Variants in RIN2 observed in about 807,000 individuals in gnomAD.
The protein encoded by RIN2 is RAB5 interacting protein 2.
In RIN2, 36 loss-of-function variants were observed where a neutral mutation model predicts 78.0. The ratio of observed to expected loss-of-function variants is 0.46; its 90% CI spans 0.35 to 0.61. RIN2 has a LOEUF of 0.61. RIN2 is among the 20% of genes least tolerant of loss of function. The pLI, the probability that RIN2 is intolerant of heterozygous loss-of-function variation, is 0.00. For missense variants in RIN2, 1,087 were observed against 1,159.7 expected, an observed-to-expected ratio of 0.94 and a Z score of 0.91; for synonymous variants, 466 against 466.8, an observed-to-expected ratio of 1.00 and a Z score of 0.02.
chr20:19,860,693 A>G (rs989035266), intron 2 of RIN2, among the ~76,000 whole-genome samples: 5 of 151,880 alleles, frequency 3.3e-5, no homozygotes, highest in Non-Finnish European at 7.4e-5. Flanking sequence ...TTTCTCTCAC[A>G]CTCACTCCCC....
intron 1 of RIN2, among the ~76,000 whole-genome samples, chr20:19,761,471 A>C (rs1383221400): frequency 6.6e-6 from 1 of 151,998 alleles, no homozygotes; most frequent in African/African-American, 2.4e-5. Flanking sequence ...TTAGAATGAC[A>C]CCATAGTATG....
rs2042225921 is a variant in RIN2, at chr20:19,974,962, C to T, written c.937C>T (p.Pro313Ser). ...TCGGTCCCCCCCACCCAGGCCCCCG[C>T]CACCCGCTATTAATAGTCTCCACAC... The part of the protein sequence containing the change: ...RTRSPPPRPP[P>S]PAINSLHTSP... The change falls in exon 9 of 13, where the codon CCA becomes TCA. Residue 313 changes from proline (P) to serine (S), a missense_variant. By Grantham distance (74) the Pro-to-Ser change is moderately conservative. This residue lies in a region of RIN2 where 706 missense variants were observed against 667.5 expected (regional missense o/e 1.06). Transcript: ENST00000255006. The T allele has an allele frequency of 6.2e-7, 1 of 1,612,628 alleles. No individual in the cohort carries two copies. The highest frequency in any genetic ancestry group is 1.3e-5 in the African/African-American group (1 of 74,822).
At chr20:19,971,726 G>GA (rs570385211) in intron 8 of RIN2, among the ~76,000 whole-genome samples, 89 of 143,278 alleles carry the variant, frequency 6.2e-4, no homozygotes, top group African/African-American at 2.3e-3. Context: ...CCCTTCTGCT[G>GA]AAACTGCAAT....
chr20:19,881,302 C>T (rs956367912), intron 2 of RIN2, among the ~76,000 whole-genome samples: 5 of 152,122 alleles, frequency 3.3e-5, no homozygotes, highest in Admixed American at 2.0e-4. Context: ...TGCTAAAACC[C>T]GGGGCTTTTA....
At chr20:19,866,201 A>G (rs1339855519) in intron 2 of RIN2, among the ~76,000 whole-genome samples, 1 of 151,850 alleles carries the variant, frequency 6.6e-6, no homozygotes, top group African/African-American at 2.4e-5. Flanking sequence ...GCAGTTCACA[A>G]TAGGGTTTGT....
chr20:19,920,082 C>CAG (rs2123789067), intron 3 of RIN2, among the ~76,000 whole-genome samples: 1 of 152,124 alleles, frequency 6.6e-6, no homozygotes, highest in Non-Finnish European at 1.5e-5. Context: ...ATCACAAGGT[C>CAG]AGAAGATCAA....
intron 2 of RIN2, among the ~76,000 whole-genome samples, chr20:19,858,907 C>T (rs1328411871): frequency 1.3e-5 from 2 of 152,092 alleles, no homozygotes; most frequent in Non-Finnish European, 2.9e-5. Context: ...GCAGGGGGCT[C>T]GGGACATGCA....
At position 20,001,032 on chromosome 20, in the gene RIN2, C is replaced by T; in HGVS notation, c.*96C>T. 8.3e-7 allele frequency: 1 copy of T among 1,207,742 alleles called. No homozygotes were observed. The highest frequency in any genetic ancestry group is 1.1e-6 in the Non-Finnish European group (1 of 873,438). The allele number at this position is 1,207,742 out of a possible 1,614,324, so 74.8% of individuals were successfully genotyped here. A position where few individuals can be genotyped will look rare whatever the true frequency, so the allele number is the denominator to read the frequency against. ...CTTGAGCTTGAAAAGCAGTCACCTC[C>T]TCGGGGACCCCTCAGTGTAGTGACT... On this transcript the variant is annotated 3_prime_UTR_variant, in exon 13 of 13. Transcript: ENST00000255006.
chr20:19,844,599 T>G lies in RIN2; in HGVS notation c.-37+44852T>G, dbSNP rs541209842. ...AGCTGCTGCTGCTGCTGCTGCTTCT[T>G]CCTCTTCTTCTTCTTCTTCTTCTTC... On this transcript the variant is annotated intron_variant, in intron 2 of 12. Coordinates refer to ENST00000255006, the MANE Select transcript of RIN2 (RefSeq NM_018993.4). 4.7e-3 allele frequency among the ~76,000 whole-genome samples: 304 copies of G among 64,184 alleles called. 6 individuals carry two copies. Among genetic ancestry groups the G allele is most frequent in the African/African-American group, 0.015 (287 of 19,014 alleles). The allele number at this position is 64,184 out of a possible 152,430, so 42.1% of individuals were successfully genotyped here. A position where few individuals can be genotyped will look rare whatever the true frequency, so the allele number is the denominator to read the frequency against.
intron 8 of RIN2, among the ~76,000 whole-genome samples, chr20:19,972,471 A>T (rs2042138740): frequency 6.6e-6 from 1 of 152,186 alleles, no homozygotes; most frequent in Non-Finnish European, 1.5e-5. Context: ...CTGAGGGCTA[A>T]TTAACATATA....
chr20:19,878,672 A>G (rs2037930640), intron 2 of RIN2, among the ~76,000 whole-genome samples: 1 of 152,142 alleles, frequency 6.6e-6, no homozygotes, highest in African/African-American at 2.4e-5. Flanking sequence ...TGAAAATGCC[A>G]GTGTCCACCC....
At chr20:19,962,321 A>G (rs1344599823) in intron 6 of RIN2, among the ~76,000 whole-genome samples, 1 of 151,942 alleles carries the variant, frequency 6.6e-6, no homozygotes, top group African/African-American at 2.4e-5. Context: ...ATTAAAAAAA[A>G]AAAAAGTCCA....
At chr20:19,795,967 T>C (rs548534507) in intron 1 of RIN2, among the ~76,000 whole-genome samples, 3 of 151,480 alleles carry the variant, frequency 2.0e-5, no homozygotes, top group African/African-American at 7.3e-5. Flanking sequence ...CAGCCTATAA[T>C]CTTGCAGTGA....
intron 3 of RIN2, among the ~76,000 whole-genome samples, chr20:19,933,470 C>T (rs899720300): frequency 8.5e-5 from 13 of 152,194 alleles, no homozygotes; most frequent in African/African-American, 3.1e-4. Flanking sequence ...GCTCCCACAG[C>T]ATTACCTTCA....
intron 2 of RIN2, among the ~76,000 whole-genome samples, chr20:19,869,792 T>TTTTATTTATTTA (rs71198030): frequency 0.061 from 8,264 of 136,332 alleles, 340 homozygotes; most frequent in East Asian, 0.1. Context: ...GCCTGGCTAA[T>TTTTATTTATTTA]TTTATTTATT....
At chr20:19,903,710 T>C (rs1224928455) in intron 3 of RIN2, among the ~76,000 whole-genome samples, 1 of 152,204 alleles carries the variant, frequency 6.6e-6, no homozygotes, top group African/African-American at 2.4e-5. Context: ...ATTCTAACAA[T>C]GCTGATGTTG....
At chr20:19,832,604 C>T (rs2123011000) in intron 2 of RIN2, among the ~76,000 whole-genome samples, 1 of 151,942 alleles carries the variant, frequency 6.6e-6, no homozygotes, top group East Asian at 2.0e-4. Flanking sequence ...AGGGACAGCC[C>T]CTTCCTTAGT....
rs370081586 is a variant in RIN2, at chr20:19,915,011, A to G, written c.58-20088A>G. On this transcript the variant is annotated intron_variant, in intron 3 of 12. Transcript: ENST00000255006. ...TCCCTAAGACCTTCGGGATGACAGC[A>G]GTGCAGCTGGGAGAAAAGGCCCTAC... Among the ~76,000 whole-genome samples the G allele has an allele frequency of 7.2e-5, 11 of 152,270 alleles. No individual in the cohort carries two copies. In the East Asian group the frequency reaches 1.7e-3, roughly 24 times the overall value.
intron 4 of RIN2, among the ~76,000 whole-genome samples, chr20:19,952,999 T>C (rs1163834103): frequency 1.3e-5 from 2 of 152,182 alleles, no homozygotes; most frequent in Admixed American, 1.3e-4. Context: ...ACCCCACACC[T>C]GCAGAAGCTG....
Sources: allele counts gnomAD v4.1 joint callset (sites outside exome capture counted in the v4.1 genomes callset), GRCh38; gene constraint gnomAD v4.1.1; regional missense constraint gnomAD v4.1.1; transcripts MANE v1.5; gene names NCBI Gene and HGNC (gene_info 2026-07-23, HGNC 2026-07-21).